Variants in SLC25A41 observed in about 807,000 individuals in gnomAD.
SLC25A41 encodes the protein mitochondrial carrier protein SCaMC-3L.
A neutral mutation model predicts 34.7 loss-of-function variants in SLC25A41; 35 were observed. The ratio of observed to expected loss-of-function variants is 1.01; its 90% CI spans 0.77 to 1.34. The LOEUF (loss-of-function observed/expected upper bound fraction) is 1.34. SLC25A41 is among the 40% of genes most tolerant of loss of function. The probability of loss-of-function intolerance (pLI) is 0.00; values close to 1 mark genes in which losing one functional copy is unlikely to be tolerated. For synonymous variants in SLC25A41, 190 were observed against 209.9 expected (o/e 0.91, Z 0.82); for missense variants, 492 against 489.8 (o/e 1.00, Z -0.04).
At chr19:6,432,473 ATTT>A (rs34519561) in intron 1 of SLC25A41, among the ~76,000 whole-genome samples, 108 of 80,978 alleles carry the variant, frequency 1.3e-3, no homozygotes, top group Middle Eastern at 0.01. Context: ...ACAACACCTA[ATTT>A]TTTTTTTTTT....
chr19:6,429,052 T>C (rs1182087808), intron 4 of SLC25A41, among the ~76,000 whole-genome samples: 2 of 51,268 alleles, frequency 3.9e-5, no homozygotes, highest in South Asian at 7.8e-4. Context: ...ATATATATTA[T>C]ATATATGTTA....
intron 4 of SLC25A41, among the ~76,000 whole-genome samples, chr19:6,429,164 A>ATATTATATATATGTT (rs1491091352): frequency 0.034 from 189 of 5,520 alleles, 46 homozygotes; most frequent in African/African-American, 0.12. Flanking sequence ...TTATATATAT[A>ATATTATATATATGTT]ATATATATAT....
At chr19:6,429,465 G>A (rs535485990) in intron 4 of SLC25A41, among the ~76,000 whole-genome samples, 1,016 of 80,324 alleles carry the variant, frequency 0.013, 15 homozygotes, top group African/African-American at 0.045. Context: ...AGGAGGGGAG[G>A]AGGAGAGGAA....
chr19:6,434,149 T>A (rs2092297983), upstream of SLC25A41, among the ~76,000 whole-genome samples: 1 of 152,112 alleles, frequency 6.6e-6, no homozygotes. Context: ...TTCACCGTGT[T>A]AGCCAGGATG....
intron 4 of SLC25A41, among the ~76,000 whole-genome samples, chr19:6,429,369 GGAGAAAGGAAAGGAAGAGGGGAGGAGA>G: frequency 5.9e-4 from 1 of 1,708 alleles, no homozygotes; most frequent in African/African-American, 1.4e-3. Context: ...AAAGGAGGAG[GGAGAAAGGAAAGGAAGAGGGGAGGAGA>G]AGGGAGAAAG....
rs2092251327 is a variant in SLC25A41, at chr19:6,427,869, C to T, written c.625-368G>A. Among the ~76,000 whole-genome samples the T allele has an allele frequency of 6.6e-6, 1 of 152,004 alleles. No homozygotes were observed. The highest frequency in any genetic ancestry group is 2.4e-5 in the African/African-American group (1 of 41,372). On this transcript the variant is annotated intron_variant, in intron 4 of 6. Transcript: ENST00000321510. The surrounding 1 kb of genome is among the most constrained non-coding windows in gnomAD (Gnocchi z 4.9). ...AATAAGATGTATATGGAAACATCAA[C>T]ATGGGAGAACAGCCTGGAAAACTGA...
chr19:6,436,188 C>A (rs80298997), upstream of SLC25A41: 1 of 264,688 alleles, frequency 3.8e-6, no homozygotes, highest in East Asian at 8.2e-5. Context: ...CACCCATATT[C>A]TGAGCATTAG....
In SLC25A41 at chr19:6,426,494, C is replaced by G. The variant is rs772841445; in HGVS notation, c.1008G>C (p.Trp336Cys). 7 of 1,613,490 alleles carry G rather than the reference C, an allele frequency of 4.3e-6. No individual in the cohort carries two copies. Among genetic ancestry groups the G allele is most frequent in the Non-Finnish European group, 5.9e-6 (7 of 1,179,848 alleles). The change falls in exon 7 of 7, where the codon TGG (tryptophan) becomes TGC (cysteine). Residue 336 changes from tryptophan (W) to cysteine (C), a missense_variant. By Grantham distance (215) the Trp-to-Cys change is radical. Transcript: ENST00000321510. ...GGGTCATGCCTCGGTACAGCCCTAG[C>G]CAGCCCTGCTGGGCCAGGATCCGCT... The part of the protein sequence containing the change: ...VLQRILAQQG[W>C]LGLYRGMTPT...
Position 6,427,422 on chromosome 19 carries a change from C to G in SLC25A41, c.704G>C (p.Arg235Pro). The G allele has an allele frequency of 2.5e-6, 4 of 1,609,392 alleles. No homozygotes were observed. Among genetic ancestry groups the G allele is most frequent in the Non-Finnish European group, 3.4e-6 (4 of 1,177,958 alleles). Residue 235 changes from arginine (R) to proline (P), a missense_variant, in exon 5 of 7, where the codon CGA (arginine) becomes CCA (proline). Arg to Pro is a moderately radical substitution (Grantham distance 103). Coordinates refer to ENST00000321510, the MANE Select transcript of SLC25A41 (RefSeq NM_173637.4). The surrounding 1 kb of genome is among the most constrained non-coding windows in gnomAD (Gnocchi z 4.9). ...GCGGTAAAGGGCGCGGGTGCCCTCT[C>G]GCTGCAAGATCTGCCTGGCGCAGTC... is the stretch of plus-strand genomic sequence containing the variant. ...LLDCARQILQ[R>P]EGTRALYRGY...
intron 2 of SLC25A41, 49 bp from the exon 3 acceptor site, chr19:6,430,210 G>C (rs200394160): frequency 6.5e-7 from 1 of 1,548,022 alleles, no homozygotes. Context: ...CTCTGTCTCC[G>C]TCCCCATCCC....
In SLC25A41 at chr19:6,429,049, T is replaced by TATA. The variant is rs60926059; in HGVS notation, c.624+674_624+675insTAT. Reference sequence around the variant, plus strand: ...TATATATATATATATAATATATATATTATATATATGTTATATATATATATA... The same window carrying TATA: ...TATATATATATATATAATATATATATATATATATATATGTTATATATATATATA... On this transcript the variant is annotated intron_variant, in intron 4 of 6. Transcript: ENST00000321510. 1.3e-4 allele frequency among the ~76,000 whole-genome samples: 5 copies of TATA among 37,376 alleles called. 1 individual carries two copies. Among genetic ancestry groups the TATA allele is most frequent in the Non-Finnish European group, 1.7e-4 (4 of 23,740 alleles). The allele number at this position is 37,376 out of a possible 152,430, so 24.5% of individuals were successfully genotyped here.
upstream of SLC25A41, among the ~76,000 whole-genome samples, chr19:6,434,757 A>G (rs1238943204): frequency 6.6e-6 from 1 of 152,038 alleles, no homozygotes; most frequent in Non-Finnish European, 1.5e-5. Context: ...AAAAATACAA[A>G]AATTAGCCAG....
chr19:6,429,376 GGAAAGGAA>G (rs1280499748), intron 4 of SLC25A41, among the ~76,000 whole-genome samples: 2 of 254 alleles, frequency 7.9e-3, no homozygotes, highest in African/African-American at 0.015. Context: ...GAGGGAGAAA[GGAAAGGAA>G]GAGGGGAGGA....
At chr19:6,436,179 A>G, upstream of SLC25A41, 1 of 235,696 alleles carries the variant, frequency 4.2e-6, no homozygotes, top group South Asian at 5.6e-5. Context: ...TTATCATCTC[A>G]CCCATATTCT....
intron 2 of SLC25A41, chr19:6,430,374 C>T (rs2092280225): frequency 1.7e-6 from 1 of 578,024 alleles, no homozygotes; most frequent in African/African-American, 1.9e-5. Context: ...ATTCCCACCT[C>T]ACCCCTCCTC....
At chr19:6,433,009 G>A (rs570505375) in intron 1 of SLC25A41, among the ~76,000 whole-genome samples, 1 of 152,058 alleles carries the variant, frequency 6.6e-6, no homozygotes, top group Admixed American at 6.6e-5. Context: ...GAGGATCCAA[G>A]GAGGAATACA....
chr19:6,433,747 A>G lies in SLC25A41; in HGVS notation c.-54T>C. ...TCCCTAAGCAGTTGTTTGCTGCTCC[A>G]GCTACCATGCGGGAGTGTCTAGTGG... On this transcript the variant is annotated 5_prime_UTR_variant, in exon 1 of 7. Coordinates refer to ENST00000321510, the MANE Select transcript of SLC25A41 (RefSeq NM_173637.4). 1 of 1,390,226 alleles carries G rather than the reference A, an allele frequency of 7.2e-7. No homozygotes were observed. Among genetic ancestry groups the G allele is most frequent in the South Asian group, 1.4e-5 (1 of 69,620 alleles). 86.1% of individuals were successfully genotyped at this position (1,390,226 alleles called of 1,614,324 possible).
chr19:6,430,207 T>G (rs749925770), intron 2 of SLC25A41, 46 bp from the exon 3 acceptor site: 2 of 1,549,048 alleles, frequency 1.3e-6, no homozygotes, highest in Admixed American at 1.9e-5. Context: ...CGCCTCTGTC[T>G]CCGTCCCCAT....
Position 6,426,525 on chromosome 19 carries a change from A to C in SLC25A41, c.977T>G (p.Val326Gly). ...CTGCTGGGCCAGGATCCGCTGGAGG[A>C]CTCCGCGCATGGTGGGATTTGAGCC... ...VEGSNPTMRG[V>G]LQRILAQQGW... Residue 326 changes from valine (V) to glycine (G), a missense_variant, in exon 7 of 7, where the codon GTC becomes GGC. Transcript: ENST00000321510. The C allele has an allele frequency of 6.2e-7, 1 of 1,613,094 alleles. No individual in the cohort carries two copies. The highest frequency in any genetic ancestry group is 1.1e-5 in the South Asian group (1 of 91,068).
Sources: allele counts gnomAD v4.1 joint callset (sites outside exome capture counted in the v4.1 genomes callset), GRCh38; gene constraint gnomAD v4.1.1; non-coding constraint Gnocchi (gnomAD v3.1); transcripts MANE v1.5; gene names NCBI Gene and HGNC (gene_info 2026-07-23, HGNC 2026-07-21).